Variants in NXPE4 observed in about 807,000 individuals in gnomAD.
NXPE4 encodes the protein neurexophilin and PC-esterase domain family member 4, also known as NXPE family member 4.
A neutral mutation model predicts 33.3 loss-of-function variants in NXPE4; 42 were observed. The observed-to-expected ratio is 1.26, with a 90% confidence interval of 0.98 to 1.63. NXPE4 has a LOEUF of 1.63. Ranked by LOEUF, NXPE4 falls within the 40% of genes most tolerant of loss-of-function variation. The pLI is 0.00. For missense variants in NXPE4, 709 were observed against 647.6 expected, an observed-to-expected ratio of 1.09 and a Z score of -1.03; for synonymous variants, 253 against 234.9, an observed-to-expected ratio of 1.08 and a Z score of -0.71.
chr11:114,640,045 T>A, the NXPE4 span, among the ~76,000 whole-genome samples: 1 of 118,202 alleles, frequency 8.5e-6, no homozygotes, highest in Non-Finnish European at 1.6e-5. Flanking sequence ...TATATTATTT[T>A]ATAATATATA....
At chr11:114,639,844 A>G in the NXPE4 span, among the ~76,000 whole-genome samples, 1 of 110,490 alleles carries the variant, frequency 9.1e-6, no homozygotes, top group African/African-American at 3.8e-5. Flanking sequence ...TATTAAATAT[A>G]AAATATAATA....
At chr11:114,642,382 C>T in the NXPE4 span, among the ~76,000 whole-genome samples, 4 of 152,098 alleles carry the variant, frequency 2.6e-5, no homozygotes, top group African/African-American at 9.6e-5. Flanking sequence ...CATCATCCCA[C>T]CATCTACAGT....
intron 5 of NXPE4, among the ~76,000 whole-genome samples, chr11:114,573,646 A>G (rs1017561697): frequency 6.6e-6 from 1 of 152,052 alleles, no homozygotes; most frequent in Non-Finnish European, 1.5e-5. Context: ...TGATAAAATA[A>G]CATTCAACAG....
At chr11:114,574,940 T>C (rs754654009) in intron 5 of NXPE4, among the ~76,000 whole-genome samples, 5 of 152,060 alleles carry the variant, frequency 3.3e-5, no homozygotes, top group Non-Finnish European at 7.4e-5. Flanking sequence ...GCTAAAATCC[T>C]CACCAAAATA....
chr11:114,577,179 T>TATAA (rs1324095016), intron 5 of NXPE4, among the ~76,000 whole-genome samples: 2 of 145,600 alleles, frequency 1.4e-5, no homozygotes, highest in Admixed American at 6.9e-5. Flanking sequence ...TATATATATA[T>TATAA]AAAATGTTAT....
At chr11:114,675,125 A>C in the NXPE4 span, among the ~76,000 whole-genome samples, 1 of 151,752 alleles carries the variant, frequency 6.6e-6, no homozygotes. Flanking sequence ...AAACTCTAAA[A>C]AATTGAGTAT....
At chr11:114,602,132 TAAC>T in the NXPE4 span, among the ~76,000 whole-genome samples, 1 of 102,866 alleles carries the variant, frequency 9.7e-6, no homozygotes, top group Non-Finnish European at 1.7e-5. Flanking sequence ...ATATTATACA[TAAC>T]ATATACTATA....
the NXPE4 span, among the ~76,000 whole-genome samples, chr11:114,636,034 G>A: frequency 2.0e-5 from 3 of 151,930 alleles, no homozygotes; most frequent in African/African-American, 7.2e-5. Context: ...AGTTTCAGAA[G>A]GAACGGTACC....
At chr11:114,573,525 T>C (rs1177269252) in intron 5 of NXPE4, among the ~76,000 whole-genome samples, 1 of 152,010 alleles carries the variant, frequency 6.6e-6, no homozygotes, top group Non-Finnish European at 1.5e-5. Context: ...TGGAAAAAGA[T>C]ATTCCATGCA....
chr11:114,651,862 C>T, the NXPE4 span, among the ~76,000 whole-genome samples: 5 of 152,226 alleles, frequency 3.3e-5, no homozygotes, highest in African/African-American at 9.6e-5. Context: ...AGTCCCCACC[C>T]GACCCAGAAG....
chr11:114,635,878 C>G, the NXPE4 span, among the ~76,000 whole-genome samples: 1 of 151,906 alleles, frequency 6.6e-6, no homozygotes, highest in Non-Finnish European at 1.5e-5. Context: ...AGTATTTTAT[C>G]GAGAATTTTT....
At chr11:114,587,498 A>T (rs556656442) in intron 2 of NXPE4, among the ~76,000 whole-genome samples, 3 of 152,366 alleles carry the variant, frequency 2.0e-5, no homozygotes, top group Admixed American at 2.0e-4. Context: ...TGCAGATCAC[A>T]CAAGTCTAGA....
chr11:114,574,535 A>G (rs918868885), intron 5 of NXPE4, among the ~76,000 whole-genome samples: 4 of 152,182 alleles, frequency 2.6e-5, no homozygotes, highest in African/African-American at 9.6e-5. Flanking sequence ...CTGATACCAC[A>G]GAAATATGAA....
At chr11:114,613,297 T>G in the NXPE4 span, among the ~76,000 whole-genome samples, 1,531 of 152,004 alleles carry the variant, frequency 0.01, 28 homozygotes, top group Middle Eastern at 0.017. Flanking sequence ...AGGTGGATAA[T>G]AAGTACTGCC....
At chr11:114,658,923 G>A in the NXPE4 span, among the ~76,000 whole-genome samples, 2,913 of 152,304 alleles carry the variant, frequency 0.019, 33 homozygotes, top group Non-Finnish European at 0.027. Flanking sequence ...TACCATGGAA[G>A]AAGGGACAAG....
chr11:114,618,940 G>C, the NXPE4 span, among the ~76,000 whole-genome samples: 1 of 152,012 alleles, frequency 6.6e-6, no homozygotes, highest in African/African-American at 2.4e-5. Flanking sequence ...CTACCCACTG[G>C]ATAATAAGTA....
the NXPE4 span, among the ~76,000 whole-genome samples, chr11:114,614,263 A>T: frequency 6.8e-6 from 1 of 146,876 alleles, no homozygotes; most frequent in Non-Finnish European, 1.5e-5. Flanking sequence ...GATAGTAAGT[A>T]TTGCTTCATG....
At chr11:114,572,931 A>G (rs764164563) in intron 5 of NXPE4, among the ~76,000 whole-genome samples, 1 of 152,196 alleles carries the variant, frequency 6.6e-6, no homozygotes, top group Non-Finnish European at 1.5e-5. Context: ...TAAAGTCAAG[A>G]TGAAGGAAAA....
the NXPE4 span, among the ~76,000 whole-genome samples, chr11:114,672,634 G>T: frequency 6.6e-6 from 1 of 151,700 alleles, no homozygotes; most frequent in East Asian, 1.9e-4. Context: ...TGGAAAAAAG[G>T]TATCATTCAA....
Sources: allele counts gnomAD v4.1 joint callset (sites outside exome capture counted in the v4.1 genomes callset), GRCh38; gene constraint gnomAD v4.1.1; transcripts MANE v1.5; gene names NCBI Gene and HGNC (gene_info 2026-07-23, HGNC 2026-07-21).